Variants in SLC4A11 observed in about 807,000 individuals in gnomAD.
SLC4A11 encodes solute carrier family 4 member 11, also known as bicarbonate transporter related protein 1.
A neutral mutation model predicts 95.0 loss-of-function variants in SLC4A11; 74 were observed. The observed-to-expected ratio is 0.78, with a 90% confidence interval of 0.65 to 0.95. The LOEUF (loss-of-function observed/expected upper bound fraction) is 0.95, where lower values mean the gene tolerates loss of function less well. SLC4A11 is among the 40% of genes least tolerant of loss of function. SLC4A11 has a pLI of 0.00. For synonymous variants in SLC4A11, 548 were observed against 519.0 expected (o/e 1.06, Z -0.76); for missense variants, 1,081 against 1,192.4 (o/e 0.91, Z 1.38).
Position 3,230,985 on chromosome 20 carries a change from C to T in SLC4A11, c.1116G>A (p.Leu372=). 6.2e-7 allele frequency: 1 copy of T among 1,610,614 alleles called. No individual in the cohort carries two copies. The highest frequency in any genetic ancestry group is 8.5e-7 in the Non-Finnish European group (1 of 1,178,552). ...TTLFLYFACL[L]PTIAFGSLND... ...TGAGAGACCCGAAAGCGATGGTGGG[C>T]AGGAGGCAGGCGAAGTAGAGGAACA... Residue 372 remains leucine, a synonymous_variant, in exon 10 of 20, where the codon CTG becomes CTA. Transcript: ENST00000642402.
In SLC4A11 at chr20:3,229,862, G is replaced by C. The variant is rs1049896891; in HGVS notation, c.1490-86C>G. 1.9e-6 allele frequency: 3 copies of C among 1,581,924 alleles called. No individual in the cohort carries two copies. The African/African-American group carries it at 4.0e-5, about 21-fold the overall frequency. Reference sequence around the variant, plus strand: ...AGGGAGGGGATCTCAGGGAGAAAGGGCTCCAGGGGGAAGGTGAGGGGACCC... The same window carrying C: ...AGGGAGGGGATCTCAGGGAGAAAGGCCTCCAGGGGGAAGGTGAGGGGACCC... On this transcript the variant is annotated intron_variant, in intron 13 of 19. Transcript: ENST00000642402.
chr20:3,234,903 C>A lies in SLC4A11; in HGVS notation c.89-9G>T. On this transcript the variant is annotated splice_polypyrimidine_tract_variant and intron_variant, in intron 2 of 19. Transcript: ENST00000642402. This position sits in a 1 kb window ranked among gnomAD's most constrained non-coding sequence, Gnocchi z 5.8. Reference sequence around the variant, plus strand: ...GTCACACTTGTAGTAGCCTAGAGACCCCCAAGAGCAAGAGGGCCTGGCTGT... The same window carrying A: ...GTCACACTTGTAGTAGCCTAGAGACACCCAAGAGCAAGAGGGCCTGGCTGT... 6.2e-7 allele frequency: 1 copy of A among 1,613,750 alleles called. No homozygotes were observed. Among genetic ancestry groups the A allele is most frequent in the Non-Finnish European group, 8.5e-7 (1 of 1,179,986 alleles).
intron 1 of SLC4A11, 71 bp downstream of exon 1, chr20:3,239,024 G>C (rs1422639457): frequency 2.1e-6 from 3 of 1,445,696 alleles, no homozygotes; most frequent in Non-Finnish European, 2.7e-6. Context: ...TTCTCCCCGG[G>C]GTCCCCGACG....
chr20:3,229,334 G>A lies in SLC4A11; in HGVS notation c.1849+12C>T, dbSNP rs577735379. ...GCTACCCCACGTCACCCACCGCCCG[G>A]CCCCAACTCACTCTCGATTTCCCGG... On this transcript the variant is annotated intron_variant, in intron 15 of 19. Coordinates refer to ENST00000642402, the MANE Select transcript of SLC4A11 (RefSeq NM_001174089.2). 1.5e-5 allele frequency: 25 copies of A among 1,613,152 alleles called. No homozygotes were observed. In the Admixed American group the frequency reaches 1.7e-4, roughly 11 times the overall value.
intron 1 of SLC4A11, chr20:3,238,888 C>G: frequency 8.0e-7 from 1 of 1,251,430 alleles, no homozygotes; most frequent in Admixed American, 4.4e-5. Flanking sequence ...CCTAATGAAA[C>G]CAAGCGCGCG....
rs768462750 is a variant in SLC4A11, at chr20:3,231,106, G to A, written c.1042+43C>T. 11 of 1,614,134 alleles carry A rather than the reference G, an allele frequency of 6.8e-6. No individual in the cohort carries two copies. The East Asian group carries it at 2.2e-4, about 33-fold the overall frequency. Reference sequence around the variant, plus strand: ...AGGGTTTGCTGGGGATGCAGGACAGGCACACGTGTGGGCCCAAGGCCTGGA... The same window carrying A: ...AGGGTTTGCTGGGGATGCAGGACAGACACACGTGTGGGCCCAAGGCCTGGA... On this transcript the variant is annotated intron_variant, in intron 9 of 19. Coordinates refer to ENST00000642402, the MANE Select transcript of SLC4A11 (RefSeq NM_001174089.2). This position sits in a 1 kb window ranked among gnomAD's most constrained non-coding sequence, Gnocchi z 5.2.
chr20:3,234,175 G>C lies in SLC4A11; in HGVS notation c.431C>G (p.Ala144Gly). The change falls in exon 5 of 20, where the codon GCC becomes GGC. Residue 144 changes from alanine (A) to glycine (G), a missense_variant. By Grantham distance (60) the Ala-to-Gly change is moderately conservative. Around this residue, in one of 3 missense-constraint regions of SLC4A11, gnomAD observed 310 missense variants for 313.5 expected, o/e 0.99. Transcript: ENST00000642402. This position sits in a 1 kb window ranked among gnomAD's most constrained non-coding sequence, Gnocchi z 5.8. ...GGGCTCATTGTTGTCAGGGTCCCTG[G>C]CGAAGCGGCGAAGCATGGTCCGCAG... ...NVLRTMLRRF[A>G]RDPDNNEPNC... 2 of 1,613,952 alleles carry C rather than the reference G, an allele frequency of 1.2e-6. No individual in the cohort carries two copies. The highest frequency in any genetic ancestry group is 1.7e-5 in the Admixed American group (1 of 60,030).
intron 2 of SLC4A11, among the ~76,000 whole-genome samples, chr20:3,237,310 G>A (rs2068011176): frequency 6.6e-6 from 1 of 152,234 alleles, no homozygotes; most frequent in African/African-American, 2.4e-5. Flanking sequence ...AAGAATCCCA[G>A]AGGGTTCACC....
rs1258328465 is a variant in SLC4A11 at position 3,231,299 on chromosome 20, C to T, written c.948+31G>A. On this transcript the variant is annotated intron_variant, in intron 8 of 19. Transcript: ENST00000642402. This position sits in a 1 kb window ranked among gnomAD's most constrained non-coding sequence, Gnocchi z 5.2. ...TGTCCGGCCCATGCCCCCGCCGACC[C>T]TGCCGGCCCCCGCCGGCCTCTACCC... The T allele has an allele frequency of 5.0e-6, 8 of 1,613,276 alleles. No homozygotes were observed. Among genetic ancestry groups the T allele is most frequent in the Admixed American group, 1.7e-5 (1 of 59,988 alleles).
Position 3,227,737 on chromosome 20 carries a change from C to T in SLC4A11, c.*50G>A, listed in dbSNP as rs1305000381. On this transcript the variant is annotated 3_prime_UTR_variant, in exon 20 of 20. Transcript: ENST00000642402. ...CTCCCCTCACAGCTCCAGAGCCAGC[C>T]TGGGAGGACGTGGAGGGCTGGCGAA... The T allele has an allele frequency of 1.9e-6, 3 of 1,595,042 alleles. No homozygotes were observed. The highest frequency in any genetic ancestry group is 2.6e-6 in the Non-Finnish European group (3 of 1,167,024).
chr20:3,239,552 C>T, upstream of SLC4A11: 1 of 988,188 alleles, frequency 1.0e-6, no homozygotes, highest in Non-Finnish European at 1.2e-6. Flanking sequence ...GCGACTGAGG[C>T]AGACCCCGGG....
At position 3,234,196 on chromosome 20, in the gene SLC4A11, C is replaced by G; in HGVS notation, c.410G>C (p.Arg137Pro). Residue 137 changes from arginine to proline, a missense_variant, in exon 5 of 20, where the codon CGG (arginine) becomes CCG (proline). Physicochemically the swap from Arg to Pro is moderately radical, Grantham distance 103. Coordinates refer to ENST00000642402, the MANE Select transcript of SLC4A11 (RefSeq NM_001174089.2). The surrounding 1 kb of genome is among the most constrained non-coding windows in gnomAD (Gnocchi z 5.8). ...ETATSLDNVL[R>P]TMLRRFARDP... is the part of the protein sequence containing the mutation. ...CCTGGCGAAGCGGCGAAGCATGGTCCGCAGCACGTTATCCAGGGAGGTGGC... is the reference window on the plus strand; with the variant it reads ...CCTGGCGAAGCGGCGAAGCATGGTCGGCAGCACGTTATCCAGGGAGGTGGC... 1 of 1,614,096 alleles carries G rather than the reference C, an allele frequency of 6.2e-7. No individual in the cohort carries two copies. The highest frequency in any genetic ancestry group is 8.5e-7 in the Non-Finnish European group (1 of 1,180,032).
At chr20:3,230,315 G>T in intron 12 of SLC4A11, 55 bp from the exon 13 acceptor site, 1 of 1,602,830 alleles carries the variant, frequency 6.2e-7, no homozygotes, top group Non-Finnish European at 8.5e-7. Context: ...GGCAGGTGGG[G>T]GAGGCCTCCC....
intron 1 of SLC4A11, 36 bp downstream of exon 1, chr20:3,239,059 G>A (rs1403349560): frequency 1.4e-6 from 2 of 1,470,786 alleles, no homozygotes; most frequent in Non-Finnish European, 9.0e-7. Context: ...AGACCCGGGC[G>A]GCCTTCCCGC....
rs771362189 is a variant in SLC4A11 at position 3,228,980 on chromosome 20, G to C, written c.2050C>G (p.Leu684Val). ...GTGTTGATGATGGCGAGGAGCAGGA[G>C]GTCCCAGTGGTAGGCAGTGCCCTTC... Reference protein sequence around the residue: ...LVKGTAYHWDLLLLAIINTGL... With the variant: ...LVKGTAYHWDVLLLAIINTGL... The change falls in exon 17 of 20, where the codon CTC becomes GTC. Residue 684 changes from leucine to valine, a missense_variant. Physicochemically the swap from Leu to Val is conservative, Grantham distance 32 (BLOSUM62 1). Around this residue, in one of 3 missense-constraint regions of SLC4A11, gnomAD observed 767 missense variants for 858.0 expected, o/e 0.89. Transcript: ENST00000642402. The C allele has an allele frequency of 1.2e-6, 2 of 1,613,716 alleles. No individual in the cohort carries two copies. The highest frequency in any genetic ancestry group is 2.2e-5 in the South Asian group (2 of 91,082).
In SLC4A11 at chr20:3,228,363, G is replaced by C. The variant is rs2067613337; in HGVS notation, c.2454C>G (p.Gly818=). The part of the protein sequence containing the change: ...VPQRKIHYFT[G]LQVLQLLLLC... ...GCAGCAGCAGCTGAAGCACCTGCAG[G>C]CCCGTGAAGTAGTGGATCTTCCTCT... Residue 818 remains glycine, a synonymous_variant, in exon 19 of 20, where the codon GGC becomes GGG. Coordinates refer to ENST00000642402, the MANE Select transcript of SLC4A11 (RefSeq NM_001174089.2). 1 of 1,613,180 alleles carries C rather than the reference G, an allele frequency of 6.2e-7. No homozygotes were observed. Among genetic ancestry groups the C allele is most frequent in the Non-Finnish European group, 8.5e-7 (1 of 1,180,008 alleles).
intron 1 of SLC4A11, chr20:3,238,632 G>C (rs896640255): frequency 3.0e-6 from 3 of 993,440 alleles, no homozygotes; most frequent in East Asian, 2.2e-4. Context: ...CACGGTCAGG[G>C]GTCCCGGGAC....
chr20:3,228,276 G>A lies in SLC4A11; in HGVS notation c.2541C>T (p.Ile847=), dbSNP rs555765616. ...YMKMIFPLIM[I]AMIPIRYILL... ...GCCTGTACCGGATGGGGATCATGGC[G>A]ATCATGATGAGGGGAAAGATCATCT... Residue 847 remains isoleucine (I), a synonymous_variant, in exon 19 of 20, where the codon ATC becomes ATT. Transcript: ENST00000642402. 8 of 1,612,638 alleles carry A rather than the reference G, an allele frequency of 5.0e-6. No homozygotes were observed. The highest frequency in any genetic ancestry group is 4.5e-5 in the East Asian group (2 of 44,846).
chr20:3,233,567 C>A lies in SLC4A11; in HGVS notation c.676G>T (p.Glu226Ter). Residue 226 changes from glutamate (E) to a stop codon, truncating the protein, a stop_gained, in exon 7 of 20, where the codon GAG becomes TAG. Transcript: ENST00000642402. LOFTEE classifies it high-confidence loss of function. ...ACGAACCGAACCTCACAGGAATTCTCCCCCCAGTTCTGTGGGCGAACCAGG... is the reference window on the plus strand; with the variant it reads ...ACGAACCGAACCTCACAGGAATTCTACCCCCAGTTCTGTGGGCGAACCAGG... ...SRLVRPQNWG[E>*]NSCEVRFVIL... 3 of 1,613,708 alleles carry A rather than the reference C, an allele frequency of 1.9e-6. No homozygotes were observed. The highest frequency in any genetic ancestry group is 2.5e-6 in the Non-Finnish European group (3 of 1,179,992).
Sources: allele counts gnomAD v4.1 joint callset (sites outside exome capture counted in the v4.1 genomes callset), GRCh38; gene constraint gnomAD v4.1.1; regional missense constraint gnomAD v4.1.1; non-coding constraint Gnocchi (gnomAD v3.1); transcripts MANE v1.5; gene names NCBI Gene and HGNC (gene_info 2026-07-23, HGNC 2026-07-21).